Variants in STPG2 observed in about 807,000 individuals in gnomAD.
STPG2 encodes the protein sperm-tail PG-rich repeat-containing protein 2.
Under a neutral mutation model 54.2 loss-of-function variants are expected in STPG2, and 56 were observed. The observed-to-expected ratio is 1.03, with a 90% CI of 0.83 to 1.29. The LOEUF is 1.29. STPG2 is among the 50% of genes most tolerant of loss of function. The pLI is 0.00. For synonymous variants in STPG2, 200 were observed against 181.8 expected (o/e 1.10, Z -0.81); for missense variants, 596 against 544.9 (o/e 1.09, Z -0.93).
chr4:97,857,466 T>A (rs1729371661), intron 8 of STPG2, among the ~76,000 whole-genome samples: 1 of 152,230 alleles, frequency 6.6e-6, no homozygotes, highest in South Asian at 2.1e-4. Context: ...TATAGTATTC[T>A]CTAATGATTG....
chr4:98,102,728 C>T (rs1325658519), intron 5 of STPG2, among the ~76,000 whole-genome samples: 1 of 151,466 alleles, frequency 6.6e-6, no homozygotes, highest in Non-Finnish European at 1.5e-5. Context: ...AATCGACCAT[C>T]TGATTTTTCT....
intron 10 of STPG2, among the ~76,000 whole-genome samples, chr4:97,669,977 T>C (rs1255539021): frequency 6.6e-6 from 1 of 152,108 alleles, no homozygotes; most frequent in East Asian, 1.9e-4. Flanking sequence ...CTTCTCATTA[T>C]AGATAATTGC....
At chr4:97,574,882 T>A (rs1002179262) in intron 10 of STPG2, among the ~76,000 whole-genome samples, 2 of 151,928 alleles carry the variant, frequency 1.3e-5, no homozygotes, top group African/African-American at 2.4e-5. Context: ...ATGTAAAAAA[T>A]TTTATTTAAT....
At chr4:97,946,256 T>G (rs535212420) in intron 7 of STPG2, among the ~76,000 whole-genome samples, 3 of 152,272 alleles carry the variant, frequency 2.0e-5, no homozygotes, top group Non-Finnish European at 4.4e-5. Flanking sequence ...TTTATTTTCT[T>G]GCTGGTTTGT....
At chr4:97,904,914 T>C (rs926950106) in intron 8 of STPG2, among the ~76,000 whole-genome samples, 1 of 151,984 alleles carries the variant, frequency 6.6e-6, no homozygotes, top group Non-Finnish European at 1.5e-5. Flanking sequence ...AGAAAAAGAA[T>C]AAAAAGAAAC....
intron 7 of STPG2, among the ~76,000 whole-genome samples, chr4:97,955,336 TC>T (rs1171255055): frequency 6.6e-6 from 1 of 151,624 alleles, no homozygotes; most frequent in Non-Finnish European, 1.5e-5. Context: ...TGCCTCAGCC[TC>T]CTGAGCAGCT....
chr4:97,482,387 G>A (rs2148821749), intron 4 of STPG2, among the ~76,000 whole-genome samples: 1 of 151,426 alleles, frequency 6.6e-6, no homozygotes, highest in Admixed American at 6.6e-5. Flanking sequence ...AGGAAACATT[G>A]GACACACTTA....
chr4:97,479,987 AT>A (rs2148820209), intron 4 of STPG2, among the ~76,000 whole-genome samples: 1 of 151,926 alleles, frequency 6.6e-6, no homozygotes, highest in Non-Finnish European at 1.5e-5. Flanking sequence ...CTGAAAAACT[AT>A]TTTGCACACT....
At chr4:97,623,813 AGT>A (rs1734073923) in intron 10 of STPG2, among the ~76,000 whole-genome samples, 1 of 151,682 alleles carries the variant, frequency 6.6e-6, no homozygotes, top group Admixed American at 6.6e-5. Flanking sequence ...GACAGTCCCC[AGT>A]GTGTGTTTTT....
chr4:97,943,094 T>A (rs528512689), intron 8 of STPG2, among the ~76,000 whole-genome samples: 1 of 152,228 alleles, frequency 6.6e-6, no homozygotes, highest in East Asian at 1.9e-4. Context: ...TGCTTCCTCA[T>A]AGACAGTATC....
chr4:97,630,134 T>G (rs900982224), intron 10 of STPG2, among the ~76,000 whole-genome samples: 1 of 151,924 alleles, frequency 6.6e-6, no homozygotes, highest in Admixed American at 6.6e-5. Flanking sequence ...CATTGCCTAA[T>G]TTTAAAAACA....
At chr4:97,491,793 T>A (rs1730509149) in intron 4 of STPG2, among the ~76,000 whole-genome samples, 1 of 151,508 alleles carries the variant, frequency 6.6e-6, no homozygotes, top group African/African-American at 2.4e-5. Flanking sequence ...TGAAATTTAT[T>A]CTGAAAGCAC....
intron 9 of STPG2, among the ~76,000 whole-genome samples, chr4:97,808,811 A>T (rs1002334189): frequency 2.0e-5 from 3 of 150,884 alleles, no homozygotes; most frequent in Admixed American, 1.3e-4. Flanking sequence ...ATATAGCTTC[A>T]TTGATACCAG....
chr4:97,705,271 T>C (rs1022119074), intron 10 of STPG2, among the ~76,000 whole-genome samples: 1 of 152,266 alleles, frequency 6.6e-6, no homozygotes, highest in East Asian at 1.9e-4. Flanking sequence ...CCCATTACTC[T>C]TTTATATTTC....
intron 6 of STPG2, among the ~76,000 whole-genome samples, chr4:97,979,005 C>CA (rs1257867019): frequency 6.6e-6 from 1 of 152,060 alleles, no homozygotes; most frequent in African/African-American, 2.4e-5. Flanking sequence ...AAAGGTGATA[C>CA]AAAATAGACA....
chr4:97,497,155 A>C (rs532838863), intron 4 of STPG2, among the ~76,000 whole-genome samples: 5 of 151,746 alleles, frequency 3.3e-5, no homozygotes, highest in Non-Finnish European at 7.4e-5. Flanking sequence ...CATTAAAGAA[A>C]ATCAAAACAG....
intron 5 of STPG2, among the ~76,000 whole-genome samples, chr4:98,093,803 G>A (rs1236209850): frequency 1.3e-5 from 2 of 152,176 alleles, no homozygotes; most frequent in African/African-American, 2.4e-5. Flanking sequence ...CTGTCAGAGT[G>A]GAGAATAAAG....
intron 10 of STPG2, among the ~76,000 whole-genome samples, chr4:97,701,144 C>A (rs901780566): frequency 6.6e-6 from 1 of 152,098 alleles, no homozygotes; most frequent in African/African-American, 2.4e-5. Context: ...GCTCTTAATG[C>A]CTTCCATTTG....
chr4:98,131,717 A>G (rs951369108), intron 2 of STPG2, among the ~76,000 whole-genome samples: 27 of 152,094 alleles, frequency 1.8e-4, no homozygotes, highest in African/African-American at 6.3e-4. Flanking sequence ...ATAGCACCCA[A>G]TGTACCTTTC....
Sources: gnomAD v4.1 joint callset for allele counts (sites outside exome capture counted in the v4.1 genomes callset) on GRCh38, gnomAD v4.1.1 for gene constraint, MANE v1.5 for transcripts, NCBI Gene and HGNC (gene_info 2026-07-23, HGNC 2026-07-21) for gene names.